The following BCR variants were observed in gnomAD, a reference collection of about 807,000 sequenced individuals.
BCR encodes the protein BCR activator of RhoGEF and GTPase, also known as breakpoint cluster region protein.
BCR carries 58 observed loss-of-function variants against 138.6 expected under a neutral mutation model. The observed-to-expected ratio is 0.42, with a 90% confidence interval of 0.34 to 0.52. The LOEUF is 0.52. BCR is among the 20% of genes least tolerant of loss of function. The pLI, the probability that BCR is intolerant of heterozygous loss-of-function variation, is 0.06. For missense variants in BCR, 1,599 were observed against 1,727.2 expected (o/e 0.93, Z 1.32); for synonymous variants, 786 against 730.1 (o/e 1.08, Z -1.23).
chr22:23,247,493 G>A (rs192984132), intron 1 of BCR, among the ~76,000 whole-genome samples: 1 of 152,104 alleles, frequency 6.6e-6, no homozygotes, highest in South Asian at 2.1e-4. Flanking sequence ...CATTGTTCTG[G>A]GTAGGGAGGG....
At chr22:23,267,399 G>A (rs1023293564) in intron 4 of BCR, among the ~76,000 whole-genome samples, 1 of 152,182 alleles carries the variant, frequency 6.6e-6, no homozygotes, top group Non-Finnish European at 1.5e-5. Context: ...TGCAGCCCTT[G>A]TAGGGAGCAG....
At chr22:23,242,093 A>G (rs1201649600) in intron 1 of BCR, among the ~76,000 whole-genome samples, 2 of 152,236 alleles carry the variant, frequency 1.3e-5, no homozygotes, top group Non-Finnish European at 2.9e-5. Context: ...CACAAATGTC[A>G]TTAGTTTTAC....
intron 2 of BCR, among the ~76,000 whole-genome samples, chr22:23,254,805 C>G (rs925625051): frequency 2.6e-5 from 4 of 152,162 alleles, no homozygotes; most frequent in Non-Finnish European, 5.9e-5. Flanking sequence ...GCAGTTGCTC[C>G]TTTTTGTCTT....
At chr22:23,256,868 G>A (rs2073300700) in intron 2 of BCR, among the ~76,000 whole-genome samples, 1 of 152,092 alleles carries the variant, frequency 6.6e-6, no homozygotes, top group Non-Finnish European at 1.5e-5. Context: ...TTTGTTTTGT[G>A]GGTTCTTTAT....
chr22:23,251,900 T>C (rs2073232275), intron 1 of BCR, among the ~76,000 whole-genome samples: 1 of 152,176 alleles, frequency 6.6e-6, no homozygotes, highest in South Asian at 2.1e-4. Context: ...GTGGTCATGA[T>C]GAGTCCACTG....
rs75267590 is a variant in BCR at position 23,260,863 on chromosome 22, C to A, written c.1462-87C>A. 6.9e-5 allele frequency: 89 copies of A among 1,287,064 alleles called. No homozygotes were observed. The African/African-American group carries it at 7.6e-4, about 11-fold the overall frequency. 79.7% of individuals were successfully genotyped at this position (1,287,064 alleles called of 1,614,324 possible). A position where few individuals can be genotyped will look rare whatever the true frequency, so the allele number is the denominator to read the frequency against. ...GGGCAGGGGTTTGTCCAGAGGTCAA[C>A]AAGCTGGCCCTCCTCTCTCAGAGGG... On this transcript the variant is annotated intron_variant, in intron 2 of 22. Transcript: ENST00000305877.
chr22:23,267,809 A>G (rs914541637), intron 4 of BCR, among the ~76,000 whole-genome samples: 8 of 152,222 alleles, frequency 5.3e-5, no homozygotes, highest in African/African-American at 1.7e-4. Flanking sequence ...ATAAAGAACA[A>G]ACAACACCTC....
rs899477467 is a variant in BCR, at chr22:23,263,443, G to T, written c.1752+1903G>T. ...CAGAACTGGATAGTGGGGTGCTGCC[G>T]AGAGGGGATTCTGCTGAAGTGGAGA... On this transcript the variant is annotated intron_variant, in intron 4 of 22. Transcript: ENST00000305877. 11 of 1,391,356 alleles carry T rather than the reference G, an allele frequency of 7.9e-6. No homozygotes were observed. The Admixed American group carries it at 1.7e-4, about 21-fold the overall frequency. 86.2% of individuals were successfully genotyped at this position (1,391,356 alleles called of 1,614,324 possible). A position where few individuals can be genotyped will look rare whatever the true frequency, so the allele number is the denominator to read the frequency against.
At chr22:23,195,267 A>C (rs2072464152) in intron 1 of BCR, among the ~76,000 whole-genome samples, 1 of 151,718 alleles carries the variant, frequency 6.6e-6, no homozygotes, top group Non-Finnish European at 1.5e-5. Flanking sequence ...CTAAAAATAC[A>C]AAATTAGCTG....
rs182865213 is a variant in BCR, at chr22:23,253,805, C to T, written c.1286C>T (p.Ser429Leu). The T allele has an allele frequency of 7.1e-5, 115 of 1,610,770 alleles. No individual in the cohort carries two copies. The highest frequency in any genetic ancestry group is 1.7e-4 in the African/African-American group (13 of 75,022). ...TGCTTCTTTGCACACACAGATGGCT[C>T]GTTCGGAACACCACCTGGATACGGC... ...EGAFHGDADG[S>L]FGTPPGYGCA... The change falls in exon 2 of 23, where the codon TCG becomes TTG. Residue 429 changes from serine to leucine, a missense_variant. By Grantham distance (145) the Ser-to-Leu change is moderately radical (BLOSUM62 -2). Transcript: ENST00000305877.
intron 1 of BCR, among the ~76,000 whole-genome samples, chr22:23,244,791 CTG>C (rs2073137245): frequency 2.0e-5 from 3 of 152,192 alleles, no homozygotes; most frequent in Admixed American, 6.5e-5. Flanking sequence ...GGAATAATAA[CTG>C]TATCATCCTG....
chr22:23,212,940 G>A (rs748550122), intron 1 of BCR, among the ~76,000 whole-genome samples: 1 of 152,180 alleles, frequency 6.6e-6, no homozygotes, highest in Admixed American at 6.5e-5. Context: ...TGTGAGGGAC[G>A]GCAGCTTTAA....
chr22:23,250,204 C>G (rs1266317296), intron 1 of BCR, among the ~76,000 whole-genome samples: 2 of 152,174 alleles, frequency 1.3e-5, no homozygotes, highest in East Asian at 3.9e-4. Context: ...TGGGCTGACT[C>G]CCTACTCGGT....
chr22:23,281,769 A>T (rs1367137041), intron 8 of BCR, among the ~76,000 whole-genome samples: 1 of 151,974 alleles, frequency 6.6e-6, no homozygotes, highest in African/African-American at 2.4e-5. Flanking sequence ...TGCAGCCCGC[A>T]CCCCAGAGGG....
chr22:23,209,554 A>T (rs943441431), intron 1 of BCR, among the ~76,000 whole-genome samples: 5 of 150,668 alleles, frequency 3.3e-5, no homozygotes, highest in Non-Finnish European at 7.4e-5. Context: ...TTTTTATTTT[A>T]TTTTTTTGAG....
At chr22:23,263,538 GC>G in intron 4 of BCR, 1 of 1,576,094 alleles carries the variant, frequency 6.3e-7, no homozygotes, top group Non-Finnish European at 8.7e-7. Context: ...TTTCATCCTG[GC>G]CTACCAGTTC....
chr22:23,202,788 CTT>C (rs1338026807), intron 1 of BCR, among the ~76,000 whole-genome samples: 3 of 148,732 alleles, frequency 2.0e-5, no homozygotes, highest in African/African-American at 7.5e-5. Context: ...TTGATGGGCA[CTT>C]GGGTCATTTT....
intron 1 of BCR, among the ~76,000 whole-genome samples, chr22:23,225,148 T>C (rs966960541): frequency 2.6e-5 from 4 of 151,724 alleles, no homozygotes; most frequent in Non-Finnish European, 4.4e-5. Context: ...CAGTCCAGTA[T>C]TTGAGACAGG....
intron 8 of BCR, among the ~76,000 whole-genome samples, chr22:23,276,905 AG>A (rs1285285585): frequency 1.3e-5 from 2 of 152,240 alleles, no homozygotes; most frequent in Non-Finnish European, 2.9e-5. Flanking sequence ...GTGCTCTCTG[AG>A]GGCAATGATG....
Sources: gnomAD v4.1 joint callset for allele counts (sites outside exome capture counted in the v4.1 genomes callset) on GRCh38, gnomAD v4.1.1 for gene constraint, MANE v1.5 for transcripts, NCBI Gene and HGNC (gene_info 2026-07-23, HGNC 2026-07-21) for gene names.